The following MACROD2 variants were observed in gnomAD, a reference collection of about 807,000 sequenced individuals.
MACROD2 encodes the protein mono-ADP ribosylhydrolase 2.
MACROD2 carries 36 observed loss-of-function variants against 70.4 expected under a neutral mutation model. The ratio of observed to expected loss-of-function variants is 0.51; its 90% confidence interval spans 0.39 to 0.68. The LOEUF (loss-of-function observed/expected upper bound fraction) is 0.68, where lower values mean the gene tolerates loss of function less well. Among genes scored for constraint, MACROD2 ranks in the 30% least tolerant of loss-of-function variants. The probability of loss-of-function intolerance (pLI) is 0.00; values close to 1 mark genes in which losing one functional copy is unlikely to be tolerated. For synonymous variants in MACROD2, 172 were observed against 178.8 expected (o/e 0.96, Z 0.30); for missense variants, 496 against 538.4 (o/e 0.92, Z 0.78).
chr20:15,252,059 A>G (rs1394006739), intron 6 of MACROD2, among the ~76,000 whole-genome samples: 2 of 152,226 alleles, frequency 1.3e-5, no homozygotes, highest in Non-Finnish European at 2.9e-5. Context: ...CATTTGAGAT[A>G]TTTGGTATTA....
chr20:14,914,720 A>G (rs534079335), intron 5 of MACROD2, among the ~76,000 whole-genome samples: 9 of 152,224 alleles, frequency 5.9e-5, no homozygotes, highest in Non-Finnish European at 1.2e-4. Context: ...CTAAATCTAT[A>G]TATCTGAGTT....
chr20:14,003,822 G>T, intron 2 of MACROD2: 1 of 353,968 alleles, frequency 2.8e-6, no homozygotes, highest in Non-Finnish European at 5.4e-6. Flanking sequence ...TGAAAGAGAG[G>T]AGAGTGCTGT....
intron 5 of MACROD2, among the ~76,000 whole-genome samples, chr20:14,956,758 T>C (rs759138620): frequency 6.6e-6 from 1 of 152,166 alleles, no homozygotes; most frequent in Admixed American, 6.6e-5. Context: ...AGACAATTGC[T>C]AGAGGACAAG....
At position 14,623,999 on chromosome 20, in the gene MACROD2, T is replaced by G. The variant is rs1401936496; in HGVS notation, c.302-60844T>G. 3.9e-5 allele frequency among the ~76,000 whole-genome samples: 6 copies of G among 152,334 alleles called. No individual in the cohort carries two copies. In the South Asian group the frequency reaches 1.2e-3, roughly 32 times the overall value. ...AACTTACAGTCTTGCCCCAGGGCTA[T>G]GTTGTCTGTCTTGGACTCTTAAGGA... On this transcript the variant is annotated intron_variant, in intron 4 of 17. Coordinates refer to ENST00000684519, the MANE Select transcript of MACROD2 (RefSeq NM_001351661.2).
intron 5 of MACROD2, among the ~76,000 whole-genome samples, chr20:14,720,661 C>G (rs6131602): frequency 6.8e-6 from 1 of 147,176 alleles, no homozygotes; most frequent in Non-Finnish European, 1.5e-5. Flanking sequence ...TCAAGTGATT[C>G]TCCTGCCTCA....
At chr20:15,494,746 TGTGTGTGTGTGTGTGTGCGC>T (rs1404819365) in intron 7 of MACROD2, among the ~76,000 whole-genome samples, 2 of 82,632 alleles carry the variant, frequency 2.4e-5, no homozygotes, top group South Asian at 4.2e-4. Context: ...GGTGTGTGTG[TGTGTGTGTGTGTGTGTGCGC>T]GTGTGTGTGT....
chr20:14,643,664 G>A (rs1051641831), intron 4 of MACROD2, among the ~76,000 whole-genome samples: 3 of 152,172 alleles, frequency 2.0e-5, no homozygotes, highest in African/African-American at 7.2e-5. Flanking sequence ...TAAGTTAAGT[G>A]TGTTAATAGG....
chr20:15,806,633 A>G (rs1021292025), intron 8 of MACROD2, among the ~76,000 whole-genome samples: 1 of 152,196 alleles, frequency 6.6e-6, no homozygotes, highest in Non-Finnish European at 1.5e-5. Flanking sequence ...AGCTCTAAAC[A>G]AAACTTCTTA....
intron 3 of MACROD2, among the ~76,000 whole-genome samples, chr20:14,430,563 A>G (rs962644945): frequency 2.7e-5 from 3 of 110,082 alleles, no homozygotes. Flanking sequence ...AAAACAGAAA[A>G]CACAGAGGAC....
intron 5 of MACROD2, among the ~76,000 whole-genome samples, chr20:15,149,506 G>A (rs968702838): frequency 1.6e-4 from 24 of 152,110 alleles, no homozygotes; most frequent in East Asian, 9.7e-4. Context: ...ATTGAAGTCC[G>A]GGCCAGGAAC....
intron 8 of MACROD2, among the ~76,000 whole-genome samples, chr20:15,660,642 A>G (rs945586437): frequency 7.2e-5 from 11 of 152,122 alleles, no homozygotes; most frequent in African/African-American, 2.4e-4. Flanking sequence ...GAGCCTCTTT[A>G]TCTTACACTT....
intron 3 of MACROD2, among the ~76,000 whole-genome samples, chr20:14,330,310 G>A (rs372824508): frequency 1.3e-5 from 2 of 151,896 alleles, no homozygotes; most frequent in Non-Finnish European, 1.5e-5. Flanking sequence ...AGTAATATTC[G>A]AATTGGTTAT....
chr20:14,543,014 A>G (rs1294711094), intron 4 of MACROD2, among the ~76,000 whole-genome samples: 4 of 152,188 alleles, frequency 2.6e-5, no homozygotes, highest in African/African-American at 9.6e-5. Context: ...AAAACAACCA[A>G]TTATGATTTG....
At chr20:14,923,088 C>T (rs1221227265) in intron 5 of MACROD2, among the ~76,000 whole-genome samples, 2 of 152,130 alleles carry the variant, frequency 1.3e-5, no homozygotes, top group African/African-American at 4.8e-5. Context: ...TCAATTCTCT[C>T]CAGACACAGT....
chr20:15,827,365 C>T (rs1015112316), intron 8 of MACROD2, among the ~76,000 whole-genome samples: 1 of 152,028 alleles, frequency 6.6e-6, no homozygotes, highest in Non-Finnish European at 1.5e-5. Context: ...CCTCAGATAC[C>T]TTTTCCTATG....
intron 5 of MACROD2, among the ~76,000 whole-genome samples, chr20:15,117,866 T>C (rs928516264): frequency 7.9e-5 from 12 of 152,188 alleles, no homozygotes; most frequent in African/African-American, 2.7e-4. Flanking sequence ...AAATTGTTGC[T>C]TTGTAGCCCT....
chr20:15,082,742 A>G (rs978918156), intron 5 of MACROD2, among the ~76,000 whole-genome samples: 1 of 152,026 alleles, frequency 6.6e-6, no homozygotes, highest in African/African-American at 2.4e-5. Context: ...TTCCCCTTTG[A>G]ATAGCAATGC....
rs145426962 is a variant in MACROD2, at chr20:15,104,424, C to T, written c.419-125516C>T. 2.2e-3 allele frequency among the ~76,000 whole-genome samples: 334 copies of T among 152,182 alleles called. 2 individuals are homozygous for T. Among genetic ancestry groups the T allele is most frequent in the African/African-American group, 7.3e-3 (305 of 41,512 alleles). On this transcript the variant is annotated intron_variant, in intron 5 of 17. Coordinates refer to ENST00000684519, the MANE Select transcript of MACROD2 (RefSeq NM_001351661.2). Reference sequence around the variant, plus strand: ...AGCCGTGAGGTAGAAAGTGCTTTAACGTATACTTGGTTAGCATGAACTGCT... The same window carrying T: ...AGCCGTGAGGTAGAAAGTGCTTTAATGTATACTTGGTTAGCATGAACTGCT...
chr20:15,288,832 A>G (rs1189809591), intron 6 of MACROD2, among the ~76,000 whole-genome samples: 1 of 150,732 alleles, frequency 6.6e-6, no homozygotes, highest in Non-Finnish European at 1.5e-5. Context: ...CCTCTTATAA[A>G]TCTCCTCTCT....
Sources: gnomAD v4.1 joint callset for allele counts (sites outside exome capture counted in the v4.1 genomes callset) on GRCh38, gnomAD v4.1.1 for gene constraint, MANE v1.5 for transcripts, NCBI Gene and HGNC (gene_info 2026-07-23, HGNC 2026-07-21) for gene names.